Variants in LRRC37A2 observed in about 807,000 individuals in gnomAD.
LRRC37A2 encodes leucine rich repeat containing 37 member A2.
Under a neutral mutation model 68.8 loss-of-function variants are expected in LRRC37A2, and 9 were observed. That is an observed-to-expected ratio of 0.13 (90% CI 0.08 to 0.23). The LOEUF (loss-of-function observed/expected upper bound fraction) is 0.23. Among genes scored for constraint, LRRC37A2 ranks in the 10% least tolerant of loss-of-function variants. LRRC37A2 has a pLI of 1.00. For missense variants in LRRC37A2, 168 were observed against 950.4 expected (o/e 0.18, Z 10.82); for synonymous variants, 63 against 367.6 (o/e 0.17, Z 9.48).
the LRRC37A2 span, among the ~76,000 whole-genome samples, chr17:47,041,413 G>A: frequency 9.3e-5 from 3 of 32,202 alleles, no homozygotes; most frequent in Non-Finnish European, 1.7e-4. Flanking sequence ...TTTTCTTGGT[G>A]TTTGTTGCTT....
At chr17:46,923,304 T>G in the LRRC37A2 span, 2 of 1,547,036 alleles carry the variant, frequency 1.3e-6, no homozygotes, top group Non-Finnish European at 1.7e-6. Context: ...GCCTCGGACG[T>G]CAGCCAGGGT....
the LRRC37A2 span, among the ~76,000 whole-genome samples, chr17:46,733,628 A>G: frequency 6.6e-6 from 1 of 152,186 alleles, no homozygotes; most frequent in Non-Finnish European, 1.5e-5. Context: ...ATCTGATGAT[A>G]CACTTGGGTA....
At chr17:46,987,140 G>A in the LRRC37A2 span, among the ~76,000 whole-genome samples, 8 of 152,268 alleles carry the variant, frequency 5.3e-5, no homozygotes, top group Middle Eastern at 3.4e-3. Context: ...CTACTCAGGA[G>A]GCTGAGGAAG....
At chr17:46,927,952 C>T in the LRRC37A2 span, among the ~76,000 whole-genome samples, 1 of 152,108 alleles carries the variant, frequency 6.6e-6, no homozygotes, top group South Asian at 2.1e-4. Flanking sequence ...TCAGGACTTC[C>T]TTAGAGTCCT....
At chr17:46,874,011 A>T in the LRRC37A2 span, among the ~76,000 whole-genome samples, 9 of 149,140 alleles carry the variant, frequency 6.0e-5, no homozygotes, top group African/African-American at 2.2e-4. Flanking sequence ...AAAAAAATGC[A>T]GTGATGCTGT....
the LRRC37A2 span, among the ~76,000 whole-genome samples, chr17:46,418,193 T>TGTG: frequency 7.0e-5 from 4 of 57,074 alleles, 1 homozygote; most frequent in African/African-American, 1.5e-4. Context: ...GGAAAATAAA[T>TGTG]TGTGTGTGTG....
chr17:47,024,779 T>C, the LRRC37A2 span: 3 of 753,000 alleles, frequency 4.0e-6, no homozygotes. Flanking sequence ...ATTTATGAGT[T>C]TTTAGTCATA....
the LRRC37A2 span, chr17:46,872,397 C>G: frequency 0.11 from 142,984 of 1,348,190 alleles, 8,652 homozygotes; most frequent in East Asian, 0.29. Flanking sequence ...GGACCTCCAG[C>G]GGGTCAGCCT....
chr17:46,896,778 C>T, the LRRC37A2 span, among the ~76,000 whole-genome samples: 1 of 152,160 alleles, frequency 6.6e-6, no homozygotes, highest in Non-Finnish European at 1.5e-5. Flanking sequence ...GTCCTTGCCA[C>T]TCACTGTCCC....
At chr17:46,782,905 G>T in the LRRC37A2 span, among the ~76,000 whole-genome samples, 2 of 152,246 alleles carry the variant, frequency 1.3e-5, no homozygotes, top group Non-Finnish European at 2.9e-5. Flanking sequence ...TGACATTTCA[G>T]TGCAGGGCCA....
At chr17:46,742,042 C>T in the LRRC37A2 span, among the ~76,000 whole-genome samples, 3 of 152,212 alleles carry the variant, frequency 2.0e-5, no homozygotes, top group Non-Finnish European at 4.4e-5. Flanking sequence ...GTGTGAGCCA[C>T]TGCACTGGCC....
At chr17:46,541,536 T>C (rs1226191415) in intron 8 of LRRC37A2, among the ~76,000 whole-genome samples, 1 of 150,604 alleles carries the variant, frequency 6.6e-6, no homozygotes, top group African/African-American at 2.5e-5. Context: ...ACAGATAAGA[T>C]CCACCTTGCC....
chr17:46,708,420 A>G, the LRRC37A2 span, among the ~76,000 whole-genome samples: 1 of 148,660 alleles, frequency 6.7e-6, no homozygotes, highest in Non-Finnish European at 1.5e-5. Flanking sequence ...TCTAGTTTTG[A>G]TTTGTATTTT....
At chr17:46,903,474 C>T in the LRRC37A2 span, among the ~76,000 whole-genome samples, 1 of 152,078 alleles carries the variant, frequency 6.6e-6, no homozygotes, top group African/African-American at 2.4e-5. Context: ...CTGAATTGAC[C>T]AATCCAGAGG....
the LRRC37A2 span, chr17:47,021,877 C>A: frequency 6.6e-7 from 1 of 1,520,952 alleles, no homozygotes; most frequent in Non-Finnish European, 9.1e-7. Flanking sequence ...ATATTTCTTA[C>A]ATTGATGGAA....
At chr17:46,597,788 CTTTTTTTTTTTTTT>C in the LRRC37A2 span, among the ~76,000 whole-genome samples, 7 of 44,170 alleles carry the variant, frequency 1.6e-4, no homozygotes, top group Non-Finnish European at 2.5e-4. Flanking sequence ...TTGCAATACT[CTTTTTTTTTTTTTT>C]TTTTTTTTTT....
At chr17:46,953,784 G>A in the LRRC37A2 span, among the ~76,000 whole-genome samples, 6 of 152,176 alleles carry the variant, frequency 3.9e-5, no homozygotes, top group Non-Finnish European at 8.8e-5. Flanking sequence ...TTTCTCTGAT[G>A]GCCAGTGATG....
At chr17:46,914,204 G>A in the LRRC37A2 span, among the ~76,000 whole-genome samples, 1 of 152,132 alleles carries the variant, frequency 6.6e-6, no homozygotes, top group Non-Finnish European at 1.5e-5. Flanking sequence ...TGGCCCCAAC[G>A]GTGCAAGGTG....
the LRRC37A2 span, among the ~76,000 whole-genome samples, chr17:47,047,875 G>C: frequency 6.6e-6 from 1 of 150,800 alleles, no homozygotes; most frequent in African/African-American, 2.5e-5. Context: ...AAATGCTCAA[G>C]GGCTTTCAAG....
Sources: gnomAD v4.1 joint callset for allele counts (sites outside exome capture counted in the v4.1 genomes callset) on GRCh38, gnomAD v4.1.1 for gene constraint, MANE v1.5 for transcripts, NCBI Gene and HGNC (gene_info 2026-07-23, HGNC 2026-07-21) for gene names.